SRRM4: variants seen among roughly 807,000 people sequenced by gnomAD.
The protein encoded by SRRM4 is serine/arginine repetitive matrix 4.
Under a neutral mutation model 68.9 loss-of-function variants are expected in SRRM4, and 33 were observed. The ratio of observed to expected loss-of-function variants is 0.48; its 90% CI spans 0.36 to 0.64. The LOEUF (loss-of-function observed/expected upper bound fraction) is 0.64, where lower values mean the gene tolerates loss of function less well. Ranked by LOEUF, SRRM4 falls within the 30% of genes least tolerant of loss-of-function variation. The pLI, the probability that SRRM4 is intolerant of heterozygous loss-of-function variation, is 0.00. For missense variants in SRRM4, 817 were observed against 827.1 expected, an observed-to-expected ratio of 0.99 and a Z score of 0.15; for synonymous variants, 318 against 318.8, an observed-to-expected ratio of 1.00 and a Z score of 0.03.
At chr12:119,008,670 C>T (rs770171895) in intron 1 of SRRM4, among the ~76,000 whole-genome samples, 2 of 152,292 alleles carry the variant, frequency 1.3e-5, no homozygotes, top group Non-Finnish European at 2.9e-5. Flanking sequence ...CTTTTCCTCA[C>T]CTCCAGCTCC....
intron 1 of SRRM4, among the ~76,000 whole-genome samples, chr12:119,070,061 T>A (rs947132594): frequency 4.3e-4 from 65 of 152,098 alleles, no homozygotes; most frequent in African/African-American, 1.5e-3. Context: ...GGAATGCAGG[T>A]CCCTTGCTTC....
At position 119,157,711 on chromosome 12, in the gene SRRM4, C is replaced by G. The variant is rs1954483141; in HGVS notation, c.*913C>G. 6.6e-6 allele frequency: 1 copy of G among 152,448 alleles called. No homozygotes were observed. Among genetic ancestry groups the G allele is most frequent in the Admixed American group, 6.5e-5 (1 of 15,294 alleles). 9.4% of individuals were successfully genotyped at this position (152,448 alleles called of 1,614,324 possible). A position where few individuals can be genotyped will look rare whatever the true frequency, so the allele number is the denominator to read the frequency against. ...TCCACGGGACCATCTGCTGAACATT[C>G]CCCAGTGCCATGGCCAGTTGCCAGG... On this transcript the variant is annotated 3_prime_UTR_variant, in exon 13 of 13. Transcript: ENST00000267260. This position sits in a 1 kb window ranked among gnomAD's most constrained non-coding sequence, Gnocchi z 4.1.
intron 1 of SRRM4, among the ~76,000 whole-genome samples, chr12:119,034,453 G>A (rs1156391339): frequency 1.3e-5 from 2 of 152,228 alleles, no homozygotes; most frequent in East Asian, 1.9e-4. Context: ...CTAAGTTTGG[G>A]GATTTGTTTG....
At chr12:119,065,247 T>C (rs1274585183) in intron 1 of SRRM4, among the ~76,000 whole-genome samples, 3 of 152,150 alleles carry the variant, frequency 2.0e-5, no homozygotes, top group African/African-American at 7.2e-5. Flanking sequence ...GGTTCTCACA[T>C]TGGTTGGGAA....
At chr12:118,985,456 TG>T (rs1203752591) in intron 1 of SRRM4, among the ~76,000 whole-genome samples, 1 of 152,210 alleles carries the variant, frequency 6.6e-6, no homozygotes, top group East Asian at 1.9e-4. Flanking sequence ...ACAGTGACTA[TG>T]TGATTTATAG....
At chr12:119,022,985 T>C (rs768082491) in intron 1 of SRRM4, among the ~76,000 whole-genome samples, 3 of 152,192 alleles carry the variant, frequency 2.0e-5, no homozygotes, top group Non-Finnish European at 4.4e-5. Context: ...TTGTGTCTTT[T>C]TGAGAACAAA....
intron 1 of SRRM4, among the ~76,000 whole-genome samples, chr12:119,088,521 C>T (rs1424021240): frequency 1.3e-5 from 2 of 152,080 alleles, no homozygotes; most frequent in Non-Finnish European, 2.9e-5. Context: ...TACTGCAATA[C>T]GTAAGGTATT....
chr12:118,987,919 CTG>C (rs1419485216), intron 1 of SRRM4, among the ~76,000 whole-genome samples: 2 of 152,134 alleles, frequency 1.3e-5, no homozygotes, highest in African/African-American at 2.4e-5. Context: ...CACATAATAA[CTG>C]TACATATTTG....
intron 2 of SRRM4, among the ~76,000 whole-genome samples, chr12:119,103,982 G>A (rs886759551): frequency 2.0e-5 from 3 of 151,588 alleles, no homozygotes; most frequent in Admixed American, 6.6e-5. Context: ...CAGCCTGGGC[G>A]ACAGAGTGAG....
intron 1 of SRRM4, among the ~76,000 whole-genome samples, chr12:119,015,621 AT>A (rs1212308768): frequency 2.0e-5 from 3 of 151,874 alleles, no homozygotes; most frequent in Admixed American, 6.6e-5. Context: ...CTACCCTGTT[AT>A]TTTTTTAATG....
chr12:119,119,868 C>A (rs1392685051), intron 4 of SRRM4, among the ~76,000 whole-genome samples: 12 of 152,018 alleles, frequency 7.9e-5, no homozygotes. Context: ...CAGCCTCATC[C>A]AGGACAGATT....
chr12:119,045,569 C>T (rs1225698238), intron 1 of SRRM4, among the ~76,000 whole-genome samples: 2 of 147,680 alleles, frequency 1.4e-5, no homozygotes, highest in Admixed American at 1.4e-4. Flanking sequence ...CTCCATGTGG[C>T]TGGTGGTAAT....
rs1210906183 is a variant in SRRM4, at chr12:119,154,599, G to C, written c.1532+216G>C. Among the ~76,000 whole-genome samples, 1 of 152,228 alleles carries C rather than the reference G, an allele frequency of 6.6e-6. No individual in the cohort carries two copies. The highest frequency in any genetic ancestry group is 1.5e-5 in the Non-Finnish European group (1 of 68,042). On this transcript the variant is annotated intron_variant, in intron 12 of 12. Transcript: ENST00000267260. The surrounding 1 kb of genome is among the most constrained non-coding windows in gnomAD (Gnocchi z 4.7). ...CTCAACCAGCAGGGCCTGCAAGAAGGGGGCGGGGCCAGCCTGAAGAATCGG... is the reference window on the plus strand; with the variant it reads ...CTCAACCAGCAGGGCCTGCAAGAAGCGGGCGGGGCCAGCCTGAAGAATCGG...
chr12:119,070,155 C>G (rs1338591295), intron 1 of SRRM4, among the ~76,000 whole-genome samples: 4 of 151,334 alleles, frequency 2.6e-5, no homozygotes, highest in African/African-American at 9.7e-5. Context: ...GAAAAGCACT[C>G]TACAGTATAA....
At chr12:119,146,643 G>A (rs2136066324) in intron 9 of SRRM4, among the ~76,000 whole-genome samples, 1 of 150,264 alleles carries the variant, frequency 6.7e-6, no homozygotes, top group Middle Eastern at 3.6e-3. Context: ...AGTCATTTAA[G>A]AACATATCAC....
chr12:119,157,640 C>T lies in SRRM4; in HGVS notation c.*842C>T, dbSNP rs923923339. The T allele has an allele frequency of 2.6e-5, 4 of 152,548 alleles. No individual in the cohort carries two copies. The highest frequency in any genetic ancestry group is 2.6e-4 in the Admixed American group (4 of 15,286). 9.4% of individuals were successfully genotyped at this position (152,548 alleles called of 1,614,324 possible). A position where few individuals can be genotyped will look rare whatever the true frequency, so the allele number is the denominator to read the frequency against. On this transcript the variant is annotated 3_prime_UTR_variant, in exon 13 of 13. Coordinates refer to ENST00000267260, the MANE Select transcript of SRRM4 (RefSeq NM_194286.4). This position sits in a 1 kb window ranked among gnomAD's most constrained non-coding sequence, Gnocchi z 4.1. Reference sequence around the variant, plus strand: ...GTCAGGACAGGTTGGTCTCCAGCCCCACTTCCCAAATATGCCTCAGCCCCA... The same window carrying T: ...GTCAGGACAGGTTGGTCTCCAGCCCTACTTCCCAAATATGCCTCAGCCCCA...
chr12:119,054,354 A>G (rs1269060531), intron 1 of SRRM4, among the ~76,000 whole-genome samples: 3 of 152,216 alleles, frequency 2.0e-5, no homozygotes, highest in African/African-American at 7.2e-5. Flanking sequence ...ATATTATCTC[A>G]TTTAACATCC....
chr12:119,156,785 G>A lies in SRRM4; in HGVS notation c.1823G>A (p.Ser608Asn), dbSNP rs1035101782. The A allele has an allele frequency of 8.5e-6, 13 of 1,533,796 alleles. No homozygotes were observed. The highest frequency in any genetic ancestry group is 1.1e-5 in the Non-Finnish European group (13 of 1,140,850). ...TACAGCTCAGCAGACAGCTACTCCA[G>A]CACGAGGCGCTAAGTGCCCCTGAGC... ...RSYSSADSYS[S>N]TRR Residue 608 changes from serine to asparagine, a missense_variant, in exon 13 of 13, where the codon AGC (serine) becomes AAC (asparagine). Coordinates refer to ENST00000267260, the MANE Select transcript of SRRM4 (RefSeq NM_194286.4).
At chr12:119,106,376 T>A (rs1247756433) in intron 2 of SRRM4, among the ~76,000 whole-genome samples, 1 of 152,162 alleles carries the variant, frequency 6.6e-6, no homozygotes, top group Non-Finnish European at 1.5e-5. Context: ...GGGGATGGCA[T>A]TGAATCTATA....
Sources: gnomAD v4.1 joint callset for allele counts (sites outside exome capture counted in the v4.1 genomes callset) on GRCh38, gnomAD v4.1.1 for gene constraint, Gnocchi (gnomAD v3.1) non-coding constraint, MANE v1.5 for transcripts, NCBI Gene and HGNC (gene_info 2026-07-23, HGNC 2026-07-21) for gene names.